TENM2: variants seen among roughly 807,000 people sequenced by gnomAD.
The protein encoded by TENM2 is teneurin transmembrane protein 2, also known as teneurin-2.
TENM2 carries 52 observed loss-of-function variants against 245.2 expected under a neutral mutation model. That is an observed-to-expected ratio of 0.21 (90% CI 0.17 to 0.27). TENM2 has a LOEUF of 0.27. TENM2 is among the 10% of genes least tolerant of loss of function. TENM2 has a pLI of 1.00. For missense variants in TENM2, 3,046 were observed against 3,666.8 expected (o/e 0.83, Z 4.37); for synonymous variants, 1,363 against 1,438.9 (o/e 0.95, Z 1.19).
the TENM2 span, among the ~76,000 whole-genome samples, chr5:167,223,788 C>A: frequency 6.6e-6 from 1 of 151,988 alleles, no homozygotes; most frequent in Non-Finnish European, 1.5e-5. Context: ...AGTGGCTGTA[C>A]TAATTTACAT....
chr5:167,723,715 T>G (rs1014998740), intron 2 of TENM2, among the ~76,000 whole-genome samples: 12 of 152,214 alleles, frequency 7.9e-5, no homozygotes, highest in Non-Finnish European at 1.6e-4. Flanking sequence ...TTCCTCTTAG[T>G]GTACACAAGG....
the TENM2 span, among the ~76,000 whole-genome samples, chr5:167,071,879 C>CG: frequency 4.5e-5 from 2 of 44,590 alleles, no homozygotes; most frequent in South Asian, 1.3e-3. Context: ...TGACAAATCG[C>CG]CCCCCCCCGC....
At chr5:167,369,293 A>G (rs192983731) in intron 1 of TENM2, among the ~76,000 whole-genome samples, 110 of 152,252 alleles carry the variant, frequency 7.2e-4, no homozygotes, top group African/African-American at 2.5e-3. Flanking sequence ...TAGTGGGAAA[A>G]GTAGAAAAGG....
At chr5:168,091,907 C>T (rs1792977000) in intron 8 of TENM2, among the ~76,000 whole-genome samples, 1 of 152,228 alleles carries the variant, frequency 6.6e-6, no homozygotes, top group African/African-American at 2.4e-5. Context: ...GCCTCAGTTT[C>T]ATCAGCTGTG....
At chr5:167,386,624 TC>T (rs1177990117) in intron 2 of TENM2, among the ~76,000 whole-genome samples, 1 of 152,200 alleles carries the variant, frequency 6.6e-6, no homozygotes. Context: ...AATGTCATCT[TC>T]TAGAATTTTT....
chr5:167,013,927 T>C, the TENM2 span, among the ~76,000 whole-genome samples: 1 of 152,156 alleles, frequency 6.6e-6, no homozygotes, highest in Non-Finnish European at 1.5e-5. Flanking sequence ...GGAGCTTCTT[T>C]TGAAACCATG....
At chr5:167,282,422 T>C (rs1771115089), upstream of TENM2, among the ~76,000 whole-genome samples, 1 of 152,194 alleles carries the variant, frequency 6.6e-6, no homozygotes, top group African/African-American at 2.4e-5. Context: ...TGCAAGTCTG[T>C]AACTCCTTAG....
At chr5:168,178,083 C>T (rs1759513191) in intron 13 of TENM2, among the ~76,000 whole-genome samples, 1 of 152,164 alleles carries the variant, frequency 6.6e-6, no homozygotes, top group African/African-American at 2.4e-5. Context: ...TAATCCTCTC[C>T]ACTCTGGGGC....
chr5:168,028,090 C>A (rs2151940959), intron 5 of TENM2, among the ~76,000 whole-genome samples: 1 of 152,256 alleles, frequency 6.6e-6, no homozygotes, highest in Admixed American at 6.5e-5. Flanking sequence ...GAGGAGCAGA[C>A]CTTAGAAGGG....
intron 2 of TENM2, among the ~76,000 whole-genome samples, chr5:167,751,087 G>A (rs1761931715): frequency 6.6e-6 from 1 of 152,166 alleles, no homozygotes; most frequent in South Asian, 2.1e-4. Flanking sequence ...TATTCCAGGA[G>A]TTGAAAGGAC....
At chr5:168,151,162 A>G (rs1458108801) in intron 12 of TENM2, among the ~76,000 whole-genome samples, 1 of 152,172 alleles carries the variant, frequency 6.6e-6, no homozygotes, top group Non-Finnish European at 1.5e-5. Flanking sequence ...GATCCTTGAT[A>G]ATGTCACCTC....
chr5:167,785,062 G>A (rs1764476189), intron 2 of TENM2, among the ~76,000 whole-genome samples: 1 of 152,068 alleles, frequency 6.6e-6, no homozygotes, highest in South Asian at 2.1e-4. Flanking sequence ...GAACTAAGAG[G>A]AAAATTTTTT....
intron 2 of TENM2, among the ~76,000 whole-genome samples, chr5:167,650,867 C>T (rs1754413379): frequency 6.6e-6 from 1 of 152,136 alleles, no homozygotes; most frequent in South Asian, 2.1e-4. Flanking sequence ...TGCATGTAAA[C>T]AGTCTGTTTC....
chr5:167,050,197 A>C, the TENM2 span, among the ~76,000 whole-genome samples: 1 of 152,154 alleles, frequency 6.6e-6, no homozygotes, highest in African/African-American at 2.4e-5. Flanking sequence ...ACAGGGCTGC[A>C]TGGCAGGAGG....
intron 2 of TENM2, among the ~76,000 whole-genome samples, chr5:167,796,613 CGTGTGT>C (rs111717417): frequency 0.014 from 2,086 of 148,402 alleles, 49 homozygotes; most frequent in African/African-American, 0.047. Flanking sequence ...ATTTGGGGTG[CGTGTGT>C]GTGTGTGTGT....
intron 2 of TENM2, among the ~76,000 whole-genome samples, chr5:167,548,080 G>T (rs1017821851): frequency 2.6e-5 from 4 of 152,168 alleles, no homozygotes; most frequent in African/African-American, 9.7e-5. Flanking sequence ...CAGGATGAGA[G>T]GTTTGAGAGA....
chr5:167,051,626 C>T, the TENM2 span, among the ~76,000 whole-genome samples: 3 of 152,122 alleles, frequency 2.0e-5, no homozygotes, highest in Non-Finnish European at 2.9e-5. Context: ...GAGAAACTTT[C>T]GCTTGCTCAC....
At chr5:168,056,516 G>C (rs1789555244) in intron 6 of TENM2, among the ~76,000 whole-genome samples, 1 of 152,148 alleles carries the variant, frequency 6.6e-6, no homozygotes, top group Admixed American at 6.5e-5. Context: ...TTCAGTACTG[G>C]TCTCATAAGA....
chr5:167,278,961 G>A, the TENM2 span, among the ~76,000 whole-genome samples: 1 of 152,094 alleles, frequency 6.6e-6, no homozygotes, highest in Non-Finnish European at 1.5e-5. Context: ...TTTAAAAATA[G>A]GTCTACTGTT....
Sources: gnomAD v4.1 joint callset for allele counts (sites outside exome capture counted in the v4.1 genomes callset) on GRCh38, gnomAD v4.1.1 for gene constraint, MANE v1.5 for transcripts, NCBI Gene and HGNC (gene_info 2026-07-23, HGNC 2026-07-21) for gene names.